Variants in PXDC1 observed in about 807,000 individuals in gnomAD.
The protein encoded by PXDC1 is PX domain-containing protein 1.
PXDC1 carries 13 observed loss-of-function variants against 24.4 expected under a neutral mutation model. That is an observed-to-expected ratio of 0.53 (90% CI 0.35 to 0.85). The LOEUF (loss-of-function observed/expected upper bound fraction) is 0.85, where lower values mean the gene tolerates loss of function less well. PXDC1 is among the 40% of genes least tolerant of loss of function. PXDC1 has a pLI of 0.01. For missense variants in PXDC1, 344 were observed against 309.3 expected, an observed-to-expected ratio of 1.11 and a Z score of -0.84; for synonymous variants, 162 against 124.9, an observed-to-expected ratio of 1.30 and a Z score of -1.98.
intron 1 of PXDC1, among the ~76,000 whole-genome samples, chr6:3,744,774 T>G (rs1360861608): frequency 1.3e-5 from 2 of 152,250 alleles, no homozygotes; most frequent in African/African-American, 4.8e-5. Flanking sequence ...CTCAGCTCAC[T>G]GCAAGCTCCG....
chr6:3,737,156 G>A lies in PXDC1; in HGVS notation c.389C>T (p.Ser130Phe). The A allele has an allele frequency of 1.2e-6, 2 of 1,613,608 alleles. No individual in the cohort carries two copies. Among genetic ancestry groups the A allele is most frequent in the African/African-American group, 2.7e-5 (2 of 75,046 alleles). ...ATTTTTTAACACCTGATCCAGAGGA[G>A]ATCTTTCGAAGAAGGTGAGCACAAC... The part of the protein sequence containing the change: ...SEVVLTFFER[S>F]PLDQVLKNDN... Residue 130 changes from serine to phenylalanine, a missense_variant, in exon 3 of 5, where the codon TCT becomes TTT. Ser to Phe is a radical substitution (Grantham distance 155). Coordinates refer to ENST00000380283, the MANE Select transcript of PXDC1 (RefSeq NM_183373.4). The surrounding 1 kb of genome is among the most constrained non-coding windows in gnomAD (Gnocchi z 5.5).
At position 3,737,818 on chromosome 6, in the gene PXDC1, C is replaced by A. The variant is rs1031782856; in HGVS notation, c.348+239G>T. 24 of 462,340 alleles carry A rather than the reference C, an allele frequency of 5.2e-5. No homozygotes were observed. Among genetic ancestry groups the A allele is most frequent in the Non-Finnish European group, 6.8e-5 (24 of 352,430 alleles). 28.6% of individuals were successfully genotyped at this position (462,340 alleles called of 1,614,324 possible). A position where few individuals can be genotyped will look rare whatever the true frequency, so the allele number is the denominator to read the frequency against. On this transcript the variant is annotated intron_variant, in intron 2 of 4. Transcript: ENST00000380283. This position sits in a 1 kb window ranked among gnomAD's most constrained non-coding sequence, Gnocchi z 5.5. Reference sequence around the variant, plus strand: ...TGCCTCCTTGCATCCCTCATTTTCACTCTTTCCCCAGGGAGGAAAAACCGG... The same window carrying A: ...TGCCTCCTTGCATCCCTCATTTTCAATCTTTCCCCAGGGAGGAAAAACCGG...
At chr6:3,734,179 G>A (rs1002427450) in intron 3 of PXDC1, among the ~76,000 whole-genome samples, 3 of 152,144 alleles carry the variant, frequency 2.0e-5, no homozygotes, top group Non-Finnish European at 4.4e-5. Context: ...CACTATGCTC[G>A]CCCCTTAGGG....
intron 1 of PXDC1, among the ~76,000 whole-genome samples, chr6:3,741,077 T>C (rs923939740): frequency 6.6e-6 from 1 of 152,222 alleles, no homozygotes; most frequent in African/African-American, 2.4e-5. Flanking sequence ...CCAGCTGCCC[T>C]TGGGCAGCAC....
At chr6:3,749,452 C>G (rs1205166742) in intron 1 of PXDC1, among the ~76,000 whole-genome samples, 2 of 147,802 alleles carry the variant, frequency 1.4e-5, no homozygotes, top group Admixed American at 6.9e-5. Context: ...TCTTTTGAGC[C>G]ACTCCTGCGT....
intron 1 of PXDC1, among the ~76,000 whole-genome samples, chr6:3,748,783 G>C (rs1456121916): frequency 1.3e-5 from 2 of 152,118 alleles, no homozygotes; most frequent in Non-Finnish European, 2.9e-5. Flanking sequence ...CTCTTAAATG[G>C]AACTAGAGAA....
intron 1 of PXDC1, among the ~76,000 whole-genome samples, chr6:3,750,684 C>G (rs1026457105): frequency 3.9e-5 from 6 of 152,136 alleles, no homozygotes; most frequent in Admixed American, 2.6e-4. Flanking sequence ...CCAGCCCTGG[C>G]GGGGGTGCGG....
At chr6:3,731,568 C>T (rs543936898) in intron 3 of PXDC1, among the ~76,000 whole-genome samples, 2 of 152,316 alleles carry the variant, frequency 1.3e-5, no homozygotes, top group East Asian at 3.9e-4. Context: ...CTGACATTGG[C>T]ACAATTCTGT....
intron 3 of PXDC1, among the ~76,000 whole-genome samples, chr6:3,734,050 C>G (rs1172786462): frequency 6.6e-6 from 1 of 152,264 alleles, no homozygotes; most frequent in Non-Finnish European, 1.5e-5. Context: ...CCCCATCACA[C>G]ACGGAAGGCC....
intron 1 of PXDC1, among the ~76,000 whole-genome samples, chr6:3,739,673 A>G (rs1246326095): frequency 6.6e-6 from 1 of 152,226 alleles, no homozygotes; most frequent in Non-Finnish European, 1.5e-5. Context: ...CCACCTCCCC[A>G]CACGCCGGGG....
intron 3 of PXDC1, among the ~76,000 whole-genome samples, chr6:3,732,131 A>C (rs543533092): frequency 6.6e-6 from 1 of 152,342 alleles, no homozygotes; most frequent in African/African-American, 2.4e-5. Context: ...TGTTTGCCTG[A>C]TGGCAATTTT....
At position 3,723,315 on chromosome 6, in the gene PXDC1, C is replaced by T; in HGVS notation, c.*304G>A. The T allele has an allele frequency of 2.7e-6, 1 of 369,220 alleles. No individual in the cohort carries two copies. The highest frequency in any genetic ancestry group is 5.0e-6 in the Non-Finnish European group (1 of 201,094). The allele number at this position is 369,220 out of a possible 1,614,324, so 22.9% of individuals were successfully genotyped here. A position where few individuals can be genotyped will look rare whatever the true frequency, so the allele number is the denominator to read the frequency against. On this transcript the variant is annotated 3_prime_UTR_variant, in exon 5 of 5. Transcript: ENST00000380283. Reference sequence around the variant, plus strand: ...GCAGTGAGAGCGAGCCCCACAGGAACTGTCCCTGCCCTGGCAGTGCGCAGC... The same window carrying T: ...GCAGTGAGAGCGAGCCCCACAGGAATTGTCCCTGCCCTGGCAGTGCGCAGC...
intron 1 of PXDC1, among the ~76,000 whole-genome samples, chr6:3,749,724 T>C (rs1204553392): frequency 6.6e-6 from 1 of 152,008 alleles, no homozygotes; most frequent in Non-Finnish European, 1.5e-5. Flanking sequence ...TGCCTTTCAG[T>C]CCTCACAAAC....
In PXDC1 at chr6:3,737,673, A is replaced by G. The variant is rs1212605511; in HGVS notation, c.348+384T>C. 16 of 985,308 alleles carry G rather than the reference A, an allele frequency of 1.6e-5. No homozygotes were observed. The highest frequency in any genetic ancestry group is 1.9e-5 in the Non-Finnish European group (16 of 829,922). The allele number at this position is 985,308 out of a possible 1,614,324, so 61.0% of individuals were successfully genotyped here. A position where few individuals can be genotyped will look rare whatever the true frequency, so the allele number is the denominator to read the frequency against. On this transcript the variant is annotated intron_variant, in intron 2 of 4. Transcript: ENST00000380283. The surrounding 1 kb of genome is among the most constrained non-coding windows in gnomAD (Gnocchi z 5.5). ...AACGTGCCCCGCTGTGCTGACGCCA[A>G]CGTTCTTCTTGGTTTCCACGTGTCT...
intron 1 of PXDC1, among the ~76,000 whole-genome samples, chr6:3,745,383 G>A (rs1030378197): frequency 1.3e-5 from 2 of 152,250 alleles, no homozygotes; most frequent in African/African-American, 4.8e-5. Context: ...CCAGCTTGGT[G>A]CTGGGCACTC....
At chr6:3,739,021 C>G in intron 1 of PXDC1, 3 of 1,232,168 alleles carry the variant, frequency 2.4e-6, no homozygotes, top group Non-Finnish European at 3.1e-6. Context: ...CTATTAATGG[C>G]AAAAACCGTG....
intron 3 of PXDC1, among the ~76,000 whole-genome samples, chr6:3,731,335 A>G (rs1442108206): frequency 6.6e-6 from 1 of 152,208 alleles, no homozygotes; most frequent in Non-Finnish European, 1.5e-5. Flanking sequence ...AAAAGAACGG[A>G]AGAAAATGCT....
chr6:3,734,462 A>G (rs1344532547), intron 3 of PXDC1, among the ~76,000 whole-genome samples: 1 of 152,150 alleles, frequency 6.6e-6, no homozygotes, highest in African/African-American at 2.4e-5. Context: ...AGACTAAAGA[A>G]CCAGGCTTCC....
chr6:3,739,565 T>C (rs1243208216), intron 1 of PXDC1, among the ~76,000 whole-genome samples: 1 of 152,242 alleles, frequency 6.6e-6, no homozygotes, highest in African/African-American at 2.4e-5. Context: ...CCCTGGGGCC[T>C]CTGTCCACGT....
Sources: allele counts gnomAD v4.1 joint callset (sites outside exome capture counted in the v4.1 genomes callset), GRCh38; gene constraint gnomAD v4.1.1; non-coding constraint Gnocchi (gnomAD v3.1); transcripts MANE v1.5; gene names NCBI Gene and HGNC (gene_info 2026-07-23, HGNC 2026-07-21).